The following CSMD3 variants were observed in gnomAD, a reference collection of about 807,000 sequenced individuals.
CSMD3 encodes CUB and Sushi multiple domains 3.
In CSMD3, 177 loss-of-function variants were observed where a neutral mutation model predicts 435.2. That is an observed-to-expected ratio of 0.41 (90% confidence interval 0.36 to 0.46). The LOEUF (loss-of-function observed/expected upper bound fraction) is 0.46, where lower values mean the gene tolerates loss of function less well. Among genes scored for constraint, CSMD3 ranks in the 20% least tolerant of loss-of-function variants. The probability of loss-of-function intolerance (pLI) is 0.34; values close to 1 mark genes in which losing one functional copy is unlikely to be tolerated. For synonymous variants in CSMD3, 1,656 were observed against 1,520.5 expected (o/e 1.09, Z -2.07); for missense variants, 4,265 against 4,504.6 (o/e 0.95, Z 1.52).
At chr8:113,397,175 G>T (rs984915720) in intron 1 of CSMD3, among the ~76,000 whole-genome samples, 1 of 152,026 alleles carries the variant, frequency 6.6e-6, no homozygotes, top group African/African-American at 2.4e-5. Context: ...TAGCCTAATG[G>T]TAGATTTTAC....
At position 112,639,893 on chromosome 8, in the gene CSMD3, A is replaced by G. The variant is rs148660240; in HGVS notation, c.3311-982T>C. Among the ~76,000 whole-genome samples the G allele has an allele frequency of 2.2e-4, 33 of 152,266 alleles. No individual in the cohort carries two copies. In the East Asian group the frequency reaches 5.4e-3, roughly 25 times the overall value. The stretch of plus-strand genomic sequence containing the variant: ...AAATGTAAATGGTACAGCCATGAAC[A>G]TTTATCTTTTGTGAACATATGTGCT... On this transcript the variant is annotated intron_variant, in intron 20 of 70. Transcript: ENST00000297405.
At chr8:112,391,863 T>C (rs1371789513) in intron 35 of CSMD3, among the ~76,000 whole-genome samples, 1 of 152,164 alleles carries the variant, frequency 6.6e-6, no homozygotes, top group Non-Finnish European at 1.5e-5. Context: ...TAAAGGCTTC[T>C]ATCATTTTTA....
intron 23 of CSMD3, among the ~76,000 whole-genome samples, chr8:112,582,599 TG>T (rs1183473883): frequency 6.8e-6 from 1 of 146,782 alleles, no homozygotes; most frequent in Non-Finnish European, 1.5e-5. Context: ...TATAATGAGA[TG>T]AGGAACAAAA....
At chr8:113,083,429 G>T (rs1458731274) in intron 5 of CSMD3, among the ~76,000 whole-genome samples, 1 of 151,942 alleles carries the variant, frequency 6.6e-6, no homozygotes, top group Non-Finnish European at 1.5e-5. Context: ...CTTAAGAAAT[G>T]AAGAAGAAAT....
At chr8:112,946,751 T>C (rs2083622329) in intron 9 of CSMD3, among the ~76,000 whole-genome samples, 1 of 151,722 alleles carries the variant, frequency 6.6e-6, no homozygotes, top group South Asian at 2.1e-4. Context: ...TCAAATATTA[T>C]TATCTGTATT....
intron 10 of CSMD3, among the ~76,000 whole-genome samples, chr8:112,888,302 T>C (rs568784400): frequency 3.3e-5 from 5 of 151,610 alleles, no homozygotes; most frequent in Admixed American, 1.3e-4. Context: ...AATCGAATCA[T>C]TGGACTCCAA....
intron 13 of CSMD3, among the ~76,000 whole-genome samples, chr8:112,761,221 A>G (rs2077829812): frequency 6.6e-6 from 1 of 152,134 alleles, no homozygotes; most frequent in South Asian, 2.1e-4. Flanking sequence ...TAAACATGCC[A>G]CTGAACAGTA....
chr8:112,978,883 A>T (rs1587814548), intron 6 of CSMD3, among the ~76,000 whole-genome samples: 1 of 151,924 alleles, frequency 6.6e-6, no homozygotes, highest in East Asian at 1.9e-4. Context: ...AACATTCATC[A>T]GAAGAAATAA....
chr8:112,808,818 T>C (rs1489125750), intron 12 of CSMD3, among the ~76,000 whole-genome samples: 2 of 152,106 alleles, frequency 1.3e-5, no homozygotes, highest in African/African-American at 4.8e-5. Context: ...TTTTGAGCGC[T>C]AGCCGTCTCT....
chr8:113,328,747 T>TTC (rs1485396302), intron 1 of CSMD3, among the ~76,000 whole-genome samples: 1 of 126,462 alleles, frequency 7.9e-6, no homozygotes, highest in Non-Finnish European at 1.6e-5. Context: ...TTTTTTTTTT[T>TTC]TTTTTTTTTT....
At chr8:112,342,414 T>A (rs1302764144) in intron 41 of CSMD3, among the ~76,000 whole-genome samples, 1 of 152,144 alleles carries the variant, frequency 6.6e-6, no homozygotes, top group Non-Finnish European at 1.5e-5. Context: ...GTAAATTTGA[T>A]GTTTTTCTTA....
At chr8:113,231,989 A>G (rs991143916) in intron 3 of CSMD3, among the ~76,000 whole-genome samples, 1 of 151,598 alleles carries the variant, frequency 6.6e-6, no homozygotes, top group African/African-American at 2.4e-5. Flanking sequence ...ATAACTCTTT[A>G]TAAGACTTTT....
At chr8:112,414,558 A>G (rs2130178440) in intron 32 of CSMD3, among the ~76,000 whole-genome samples, 1 of 152,308 alleles carries the variant, frequency 6.6e-6, no homozygotes, top group African/African-American at 2.4e-5. Flanking sequence ...CAGTGTGAGA[A>G]CAGGCTAATA....
chr8:112,723,951 G>C (rs1222488057), intron 13 of CSMD3, among the ~76,000 whole-genome samples: 2 of 151,710 alleles, frequency 1.3e-5, no homozygotes, highest in East Asian at 3.9e-4. Context: ...GTAAATGAGA[G>C]ATCATCCGTT....
intron 69 of CSMD3, among the ~76,000 whole-genome samples, chr8:112,229,531 C>T (rs1204490561): frequency 2.6e-5 from 4 of 152,030 alleles, no homozygotes; most frequent in African/African-American, 7.2e-5. Flanking sequence ...CCGGCTCAAG[C>T]GATCTTCCTG....
chr8:112,940,598 T>C (rs1019488880), intron 9 of CSMD3, among the ~76,000 whole-genome samples: 1 of 151,836 alleles, frequency 6.6e-6, no homozygotes, highest in Admixed American at 6.6e-5. Context: ...CTTTAAAAAC[T>C]TGTTATATTC....
At position 112,647,302 on chromosome 8, in the gene CSMD3, C is replaced by CTTT. The variant is rs35978527; in HGVS notation, c.3194-2080_3194-2078dup. Among the ~76,000 whole-genome samples, 1,101 of 137,134 alleles carry CTTT rather than the reference C, an allele frequency of 8.0e-3. 46 individuals carry two copies. Among genetic ancestry groups the CTTT allele is most frequent in the Admixed American group, 0.064 (857 of 13,454 alleles). 90.0% of individuals were successfully genotyped at this position (137,134 alleles called of 152,430 possible). On this transcript the variant is annotated intron_variant, in intron 19 of 70. Coordinates refer to ENST00000297405, the MANE Select transcript of CSMD3 (RefSeq NM_198123.2). ...ATTTAATCCTGTCATTTTCAAATCA[C>CTTT]TTTTTTTTTTTTTTTTGAGATGGAA... is the stretch of plus-strand genomic sequence containing the variant.
At chr8:112,465,696 T>A (rs916375880) in intron 32 of CSMD3, among the ~76,000 whole-genome samples, 1 of 152,074 alleles carries the variant, frequency 6.6e-6, no homozygotes, top group Admixed American at 6.6e-5. Context: ...AAAAAGAGGC[T>A]GGGTGTGGCG....
intron 18 of CSMD3, among the ~76,000 whole-genome samples, chr8:112,650,826 C>A (rs2075107051): frequency 1.3e-5 from 1 of 78,244 alleles, no homozygotes. Flanking sequence ...TGGTGGTTAA[C>A]TGTTGTTGTT....
Sources: allele counts gnomAD v4.1 joint callset (sites outside exome capture counted in the v4.1 genomes callset), GRCh38; gene constraint gnomAD v4.1.1; transcripts MANE v1.5; gene names NCBI Gene and HGNC (gene_info 2026-07-23, HGNC 2026-07-21).